SPOPL: variants seen among roughly 807,000 people sequenced by gnomAD.
SPOPL encodes speckle-type POZ protein-like.
Under a neutral mutation model 53.8 loss-of-function variants are expected in SPOPL, and 23 were observed. The observed-to-expected ratio is 0.43, with a 90% CI of 0.31 to 0.61. The LOEUF is 0.61. Ranked by LOEUF, SPOPL falls within the 20% of genes least tolerant of loss-of-function variation. SPOPL has a pLI of 0.12. For missense variants in SPOPL, 442 were observed against 466.9 expected, an observed-to-expected ratio of 0.95 and a Z score of 0.49; for synonymous variants, 164 against 149.7, an observed-to-expected ratio of 1.10 and a Z score of -0.70.
chr2:138,542,104 T>G (rs1280717391), intron 1 of SPOPL, among the ~76,000 whole-genome samples: 2 of 152,132 alleles, frequency 1.3e-5, no homozygotes, highest in Non-Finnish European at 2.9e-5. Context: ...CTGAGAGAGT[T>G]TGTTATAATT....
chr2:138,560,755 G>T (rs1262037985), intron 7 of SPOPL, 50 bp from the exon 8 acceptor site: 3 of 1,538,394 alleles, frequency 2.0e-6, no homozygotes, highest in South Asian at 2.5e-5. Flanking sequence ...TGGTTCATTT[G>T]TGTGTACTTT....
At chr2:138,547,655 CAT>C (rs1467035650) in intron 1 of SPOPL, among the ~76,000 whole-genome samples, 1 of 151,980 alleles carries the variant, frequency 6.6e-6, no homozygotes, top group African/African-American at 2.4e-5. Context: ...TTAATTAAAA[CAT>C]AACACATTTA....
chr2:138,567,357 GAGAA>G (rs1436717891), intron 10 of SPOPL, among the ~76,000 whole-genome samples: 1 of 147,626 alleles, frequency 6.8e-6, no homozygotes, highest in African/African-American at 2.5e-5. Context: ...TTTTAACAAT[GAGAA>G]AGAGCAGTAT....
At position 138,552,685 on chromosome 2, in the gene SPOPL, G is replaced by A; in HGVS notation, c.480+4G>A. The A allele has an allele frequency of 1.2e-6, 2 of 1,608,466 alleles. No homozygotes were observed. Among genetic ancestry groups the A allele is most frequent in the Non-Finnish European group, 1.7e-6 (2 of 1,177,858 alleles). On this transcript the variant is annotated splice_donor_region_variant and intron_variant, in intron 5 of 10. Coordinates refer to ENST00000280098, the MANE Select transcript of SPOPL (RefSeq NM_001001664.3). ...CAAGCTTACATTATTTTGTGAGGTG[G>A]GTACATCTTTTATTCTAAGAACCCC...
chr2:138,565,025 G>T lies in SPOPL; in HGVS notation c.1034+32G>T, dbSNP rs201422677. The T allele has an allele frequency of 7.6e-5, 123 of 1,612,910 alleles. 1 individual carries two copies. The highest frequency in any genetic ancestry group is 1.7e-6 in the Non-Finnish European group (2 of 1,179,664). On this transcript the variant is annotated intron_variant, in intron 10 of 10. Transcript: ENST00000280098. ...TGACATCAGTTTCTGACTCAAAGTT[G>T]CTCTACATAAGTGAGATTAAGTGTT...
intron 1 of SPOPL, among the ~76,000 whole-genome samples, chr2:138,549,344 G>T (rs1685264676): frequency 6.6e-6 from 1 of 151,970 alleles, no homozygotes; most frequent in Non-Finnish European, 1.5e-5. Flanking sequence ...GTAGCATAGG[G>T]TTCTGCAGAC....
intron 5 of SPOPL, among the ~76,000 whole-genome samples, chr2:138,557,312 CAT>C (rs1487449134): frequency 1.3e-5 from 2 of 152,144 alleles, no homozygotes; most frequent in African/African-American, 4.8e-5. Flanking sequence ...TTCTGTGACA[CAT>C]ATGATTTCAA....
intron 1 of SPOPL, among the ~76,000 whole-genome samples, chr2:138,547,028 C>T (rs890734850): frequency 6.6e-6 from 1 of 152,030 alleles, no homozygotes; most frequent in African/African-American, 2.4e-5. Flanking sequence ...TGCAGTGGTG[C>T]GATCTTGCCT....
intron 1 of SPOPL, among the ~76,000 whole-genome samples, chr2:138,511,607 T>C (rs1194777288): frequency 6.6e-6 from 1 of 152,234 alleles, no homozygotes; most frequent in African/African-American, 2.4e-5. Flanking sequence ...GATGGATTAT[T>C]ATTTTATGTA....
intron 10 of SPOPL, among the ~76,000 whole-genome samples, chr2:138,568,479 C>G (rs1685712857): frequency 6.6e-6 from 1 of 151,920 alleles, no homozygotes; most frequent in Non-Finnish European, 1.5e-5. Flanking sequence ...TGTGTGGAAC[C>G]CTAGAATTTA....
intron 1 of SPOPL, among the ~76,000 whole-genome samples, chr2:138,521,485 A>G (rs941210045): frequency 6.6e-6 from 1 of 152,138 alleles, no homozygotes; most frequent in African/African-American, 2.4e-5. Flanking sequence ...ACATTAAAGC[A>G]ACAGAAATGA....
At chr2:138,546,325 G>T (rs896295928) in intron 1 of SPOPL, among the ~76,000 whole-genome samples, 12 of 152,156 alleles carry the variant, frequency 7.9e-5, no homozygotes, top group Admixed American at 6.5e-5. Flanking sequence ...TAGATTGATT[G>T]TCTTGTGTTT....
At chr2:138,528,824 G>A (rs1198536085) in intron 1 of SPOPL, among the ~76,000 whole-genome samples, 1 of 152,150 alleles carries the variant, frequency 6.6e-6, no homozygotes, top group Non-Finnish European at 1.5e-5. Context: ...CCAAATTTTA[G>A]TGCTAAGACT....
At chr2:138,567,253 A>G (rs1270166130) in intron 10 of SPOPL, among the ~76,000 whole-genome samples, 2 of 152,126 alleles carry the variant, frequency 1.3e-5, no homozygotes, top group Non-Finnish European at 2.9e-5. Context: ...GCACAAAACT[A>G]AATGCCGGAA....
chr2:138,556,542 C>T (rs771727917), intron 5 of SPOPL, among the ~76,000 whole-genome samples: 2 of 152,142 alleles, frequency 1.3e-5, no homozygotes, highest in Non-Finnish European at 2.9e-5. Flanking sequence ...GACCTGATCC[C>T]TTACGAAACC....
Position 138,569,005 on chromosome 2 carries a change from A to G in SPOPL, c.1104A>G (p.Ala368=). 2 of 1,614,102 alleles carry G rather than the reference A, an allele frequency of 1.2e-6. No homozygotes were observed. Among genetic ancestry groups the G allele is most frequent in the Non-Finnish European group, 1.7e-6 (2 of 1,179,952 alleles). The change falls in exon 11 of 11, where the codon GCA becomes GCG. Residue 368 remains alanine (A), a synonymous_variant. Coordinates refer to ENST00000280098, the MANE Select transcript of SPOPL (RefSeq NM_001001664.3). ...TTCAGTCTCACCCTCATTTAGTAGC[A>G]GAAGCCTTTCGAGCACTAGCATCTG... The part of the protein sequence containing the change: ...SMIQSHPHLV[A]EAFRALASAQ...
At chr2:138,536,735 A>G (rs1322749822) in intron 1 of SPOPL, among the ~76,000 whole-genome samples, 1 of 152,020 alleles carries the variant, frequency 6.6e-6, no homozygotes, top group Non-Finnish European at 1.5e-5. Flanking sequence ...TGCCTCTCAC[A>G]GCCTCTACTG....
intron 8 of SPOPL, among the ~76,000 whole-genome samples, chr2:138,561,652 C>T (rs1010596727): frequency 6.6e-6 from 1 of 152,106 alleles, no homozygotes; most frequent in Admixed American, 6.5e-5. Flanking sequence ...GAATCTATGA[C>T]TGTCTCAATA....
chr2:138,552,442 G>T, intron 4 of SPOPL, 112 bp from the exon 5 acceptor site: 1 of 1,266,656 alleles, frequency 7.9e-7, no homozygotes, highest in Non-Finnish European at 1.1e-6. Flanking sequence ...TAACTTTTAT[G>T]ATGGATGTAT....
Sources: gnomAD v4.1 joint callset for allele counts (sites outside exome capture counted in the v4.1 genomes callset) on GRCh38, gnomAD v4.1.1 for gene constraint, MANE v1.5 for transcripts, NCBI Gene and HGNC (gene_info 2026-07-23, HGNC 2026-07-21) for gene names.